The following GRIK1 variants were observed in gnomAD, a reference collection of about 807,000 sequenced individuals.
The protein encoded by GRIK1 is glutamate receptor ionotropic, kainate 1.
A neutral mutation model predicts 105.7 loss-of-function variants in GRIK1; 69 were observed. The observed-to-expected ratio is 0.65, with a 90% CI of 0.54 to 0.80. The LOEUF is 0.80. Among genes scored for constraint, GRIK1 ranks in the 30% least tolerant of loss-of-function variants. The pLI is 0.00. For synonymous variants in GRIK1, 438 were observed against 431.3 expected (o/e 1.02, Z -0.19); for missense variants, 1,109 against 1,167.3 (o/e 0.95, Z 0.73).
intron 1 of GRIK1, among the ~76,000 whole-genome samples, chr21:29,774,968 G>A (rs986029199): frequency 2.0e-5 from 3 of 152,214 alleles, no homozygotes; most frequent in East Asian, 3.9e-4. Flanking sequence ...AGCTGGTCCT[G>A]CTCCTCATAT....
intron 1 of GRIK1, among the ~76,000 whole-genome samples, chr21:29,737,822 T>C (rs2064830748): frequency 6.6e-6 from 1 of 152,244 alleles, no homozygotes; most frequent in Admixed American, 6.5e-5. Context: ...CAAATATTCC[T>C]GTCAGATGCG....
chr21:29,587,939 G>C lies in GRIK1; in HGVS notation c.1570-350C>G, dbSNP rs115147220. Among the ~76,000 whole-genome samples the C allele has an allele frequency of 3.3e-3, 440 of 134,218 alleles. 4 individuals are homozygous for C. The highest frequency in any genetic ancestry group is 0.012 in the African/African-American group (425 of 35,622). 88.1% of individuals were successfully genotyped at this position (134,218 alleles called of 152,430 possible). A position where few individuals can be genotyped will look rare whatever the true frequency, so the allele number is the denominator to read the frequency against. ...CTATTAATTGACATGATGAGATTTT[G>C]CTCTGAGCTGAAAACTTTAAAATTC... On this transcript the variant is annotated intron_variant, in intron 11 of 17. Transcript: ENST00000327783.
At chr21:29,674,162 T>G (rs1047341389) in intron 3 of GRIK1, among the ~76,000 whole-genome samples, 4 of 151,980 alleles carry the variant, frequency 2.6e-5, no homozygotes, top group Non-Finnish European at 5.9e-5. Flanking sequence ...TTCATGAGTA[T>G]TCAGATGAAA....
intron 1 of GRIK1, among the ~76,000 whole-genome samples, chr21:29,720,358 T>A (rs2064288455): frequency 6.6e-6 from 1 of 152,210 alleles, no homozygotes; most frequent in Admixed American, 6.5e-5. Flanking sequence ...TATCTCTGAT[T>A]CAGAAAAATC....
chr21:29,803,048 G>T (rs1307098344), intron 1 of GRIK1, among the ~76,000 whole-genome samples: 1 of 151,780 alleles, frequency 6.6e-6, no homozygotes, highest in African/African-American at 2.4e-5. Context: ...TAATGCTGTA[G>T]TTTTTTTTCA....
intron 1 of GRIK1, among the ~76,000 whole-genome samples, chr21:29,821,687 G>A: frequency 6.6e-6 from 1 of 151,998 alleles, no homozygotes; most frequent in East Asian, 1.9e-4. Flanking sequence ...GTTATAATCT[G>A]CATCTTTATA....
At chr21:29,717,186 A>T (rs2064198778) in intron 1 of GRIK1, among the ~76,000 whole-genome samples, 1 of 152,270 alleles carries the variant, frequency 6.6e-6, no homozygotes, top group Non-Finnish European at 1.5e-5. Context: ...TCCAGGCAGA[A>T]GTCTATTCTA....
chr21:29,915,930 A>G (rs897358338), intron 1 of GRIK1, among the ~76,000 whole-genome samples: 2 of 152,022 alleles, frequency 1.3e-5, no homozygotes, highest in African/African-American at 4.8e-5. Flanking sequence ...GAGAGAAAGA[A>G]AACACTCATT....
Position 29,651,282 on chromosome 21 carries a change from C to T in GRIK1, c.790G>A (p.Ala264Thr), listed in dbSNP as rs141195319. Residue 264 changes from alanine (A) to threonine (T), a missense_variant, in exon 6 of 18, where the codon GCT becomes ACT. By Grantham distance (58) the Ala-to-Thr change is moderately conservative. Coordinates refer to ENST00000327783, the MANE Select transcript of GRIK1 (RefSeq NM_001330994.2). ...TACCTATAGAGTTCCAGATCCAAAGCAAATAAGTCCTGCATAGTATCAAAA... is the reference window on the plus strand; with the variant it reads ...TACCTATAGAGTTCCAGATCCAAAGTAAATAAGTCCTGCATAGTATCAAAA... ...HYFFTTLDLF[A>T]LDLELYRYSG... 7 of 1,608,382 alleles carry T rather than the reference C, an allele frequency of 4.4e-6. No individual in the cohort carries two copies. Among genetic ancestry groups the T allele is most frequent in the Non-Finnish European group, 6.0e-6 (7 of 1,176,092 alleles).
intron 16 of GRIK1, among the ~76,000 whole-genome samples, chr21:29,544,254 T>C (rs1479727560): frequency 1.3e-5 from 2 of 152,166 alleles, no homozygotes; most frequent in African/African-American, 4.8e-5. Context: ...AACAGAAAAA[T>C]AGTCTATTTT....
At chr21:29,560,558 T>TTCTTTCTTTCTTTCTCTCTCTCTCTC (rs2090446232) in intron 15 of GRIK1, among the ~76,000 whole-genome samples, 3 of 121,812 alleles carry the variant, frequency 2.5e-5, no homozygotes, top group African/African-American at 1.1e-4. Context: ...CTTTCTTTCT[T>TTCTTTCTTTCTTTCTCTCTCTCTCTC]TCTTTCTTTC....
At chr21:29,542,198 C>T (rs2089983206) in intron 16 of GRIK1, among the ~76,000 whole-genome samples, 1 of 152,194 alleles carries the variant, frequency 6.6e-6, no homozygotes, top group South Asian at 2.1e-4. Context: ...TATTTCTCTA[C>T]TCTGATCCCT....
At chr21:29,778,459 G>A (rs778685082) in intron 1 of GRIK1, among the ~76,000 whole-genome samples, 8 of 152,176 alleles carry the variant, frequency 5.3e-5, no homozygotes, top group South Asian at 4.1e-4. Context: ...TTATTGTTTC[G>A]TGTGTATGCT....
intron 4 of GRIK1, among the ~76,000 whole-genome samples, chr21:29,661,383 G>C (rs1213118518): frequency 6.6e-6 from 1 of 152,194 alleles, no homozygotes; most frequent in Non-Finnish European, 1.5e-5. Context: ...GAGATGGGGA[G>C]ATTTCTCTGA....
chr21:29,598,878 C>T lies in GRIK1; in HGVS notation c.1158G>A (p.Lys386=), dbSNP rs1266485315. The change falls in exon 8 of 18, where the codon AAG becomes AAA. Residue 386 remains lysine, a synonymous_variant. Transcript: ENST00000327783. ...ITFNKTNGLR[K]DFDLDIISLK... The stretch of plus-strand genomic sequence containing the variant: ...GACTAATAATGTCCAGATCAAAATC[C>T]TTCCTCAAGCCATTGGTTTTATTAA... 8 of 1,597,816 alleles carry T rather than the reference C, an allele frequency of 5.0e-6. No homozygotes were observed. In the African/African-American group the frequency reaches 8.1e-5, roughly 16 times the overall value.
intron 12 of GRIK1, among the ~76,000 whole-genome samples, chr21:29,582,942 A>G (rs2091053417): frequency 6.6e-6 from 1 of 152,148 alleles, no homozygotes; most frequent in South Asian, 2.1e-4. Flanking sequence ...TACATTATCT[A>G]TATGAAAAGC....
chr21:29,915,522 C>T (rs1159365315), intron 1 of GRIK1, among the ~76,000 whole-genome samples: 2 of 152,042 alleles, frequency 1.3e-5, no homozygotes, highest in Non-Finnish European at 2.9e-5. Context: ...CTAACTCTTT[C>T]TCTCACAGGA....
intron 6 of GRIK1, among the ~76,000 whole-genome samples, chr21:29,650,647 A>G (rs1259294395): frequency 6.6e-6 from 1 of 152,226 alleles, no homozygotes; most frequent in Non-Finnish European, 1.5e-5. Flanking sequence ...AGGTGAACCT[A>G]TACGCATCCA....
chr21:29,742,225 G>GA (rs1189720721), intron 1 of GRIK1, among the ~76,000 whole-genome samples: 1 of 151,782 alleles, frequency 6.6e-6, no homozygotes, highest in Non-Finnish European at 1.5e-5. Context: ...AAAGGAATCA[G>GA]AAAAAAAAGC....
Sources: gnomAD v4.1 joint callset for allele counts (sites outside exome capture counted in the v4.1 genomes callset) on GRCh38, gnomAD v4.1.1 for gene constraint, MANE v1.5 for transcripts, NCBI Gene and HGNC (gene_info 2026-07-23, HGNC 2026-07-21) for gene names.